The following QSOX1 variants were observed in gnomAD, a reference collection of about 807,000 sequenced individuals.
QSOX1 encodes the protein quiescin sulfhydryl oxidase 1.
QSOX1 carries 40 observed loss-of-function variants against 76.1 expected under a neutral mutation model. That is an observed-to-expected ratio of 0.53 (90% CI 0.41 to 0.68). QSOX1 has a LOEUF of 0.68. Ranked by LOEUF, QSOX1 falls within the 30% of genes least tolerant of loss-of-function variation. The pLI is 0.00. For synonymous variants in QSOX1, 392 were observed against 413.1 expected (o/e 0.95, Z 0.62); for missense variants, 931 against 974.3 (o/e 0.96, Z 0.59).
chr1:180,157,586 C>G (rs751565166), intron 1 of QSOX1, among the ~76,000 whole-genome samples: 7 of 152,180 alleles, frequency 4.6e-5, no homozygotes, highest in Admixed American at 2.0e-4. Flanking sequence ...TGGCTTCAGG[C>G]ATTTAATCTG....
At chr1:180,175,876 T>C (rs77041806) in intron 3 of QSOX1, 55 bp from the exon 4 acceptor site, 31,573 of 1,393,626 alleles carry the variant, frequency 0.023, 468 homozygotes, top group African/African-American at 0.057. Context: ...GCCAGTGTGC[T>C]GTGGAAGCAG....
chr1:180,165,263 CT>C (rs1662587535), intron 1 of QSOX1, among the ~76,000 whole-genome samples: 1 of 152,212 alleles, frequency 6.6e-6, no homozygotes, highest in Non-Finnish European at 1.5e-5. Flanking sequence ...CTCCCTGCCC[CT>C]GGGGCATGAG....
At chr1:180,156,627 C>T (rs1203226504) in intron 1 of QSOX1, among the ~76,000 whole-genome samples, 4 of 152,134 alleles carry the variant, frequency 2.6e-5, no homozygotes, top group African/African-American at 4.8e-5. Flanking sequence ...TTAAATGAAA[C>T]TTATAAGCTG....
chr1:180,161,293 C>T (rs1289140979), intron 1 of QSOX1, among the ~76,000 whole-genome samples: 3 of 152,360 alleles, frequency 2.0e-5, no homozygotes, highest in South Asian at 2.1e-4. Context: ...GTAGGCTCTT[C>T]TTAAGTTTGC....
intron 1 of QSOX1, among the ~76,000 whole-genome samples, chr1:180,164,807 GAA>G (rs1267591225): frequency 6.6e-6 from 1 of 152,196 alleles, no homozygotes; most frequent in East Asian, 1.9e-4. Context: ...AATTTATAAA[GAA>G]AAGAGGTTTA....
chr1:180,171,588 G>T (rs12075856), intron 2 of QSOX1, among the ~76,000 whole-genome samples: 1 of 152,204 alleles, frequency 6.6e-6, no homozygotes, highest in African/African-American at 2.4e-5. Context: ...GAAATGATAG[G>T]TTTGTTCATT....
chr1:180,174,313 C>T (rs1294809628), intron 2 of QSOX1, among the ~76,000 whole-genome samples: 1 of 152,238 alleles, frequency 6.6e-6, no homozygotes, highest in Non-Finnish European at 1.5e-5. Flanking sequence ...GGTCTGTCCT[C>T]TTGCCCCAAG....
rs759405690 is a variant in QSOX1 at position 180,194,339 on chromosome 1, C to T, written c.1415C>T (p.Ala472Val). ...ATGCACCGGGTGGGGAGTCCCAACG[C>T]CGCTGTCCTCTGGCTCTGGTCTAGC... is the stretch of plus-strand genomic sequence containing the variant. ...ASMHRVGSPN[A>V]AVLWLWSSHN... Residue 472 changes from alanine (A) to valine (V), a missense_variant, in exon 11 of 12, where the codon GCC (alanine) becomes GTC (valine). Physicochemically the swap from Ala to Val is moderately conservative, Grantham distance 64. Transcript: ENST00000367602. The T allele has an allele frequency of 1.2e-6, 2 of 1,603,426 alleles. No homozygotes were observed. The highest frequency in any genetic ancestry group is 1.7e-6 in the Non-Finnish European group (2 of 1,173,130).
chr1:180,191,368 C>T (rs11589208), intron 10 of QSOX1, among the ~76,000 whole-genome samples: 20,979 of 152,132 alleles, frequency 0.14, 1,612 homozygotes, highest in Middle Eastern at 0.22. Flanking sequence ...TGGGAAGGGG[C>T]CCGAGGCCTT....
chr1:180,173,078 G>A (rs551821515), intron 2 of QSOX1, among the ~76,000 whole-genome samples: 3 of 152,228 alleles, frequency 2.0e-5, no homozygotes, highest in Admixed American at 6.5e-5. Flanking sequence ...TAACTGCAGC[G>A]CAACATCACC....
intron 2 of QSOX1, among the ~76,000 whole-genome samples, chr1:180,174,690 T>G (rs1017056466): frequency 1.3e-5 from 2 of 152,164 alleles, no homozygotes; most frequent in Non-Finnish European, 2.9e-5. Context: ...TGGTTAGTAA[T>G]TACATGCTAG....
intron 1 of QSOX1, among the ~76,000 whole-genome samples, chr1:180,161,771 G>C (rs1001468317): frequency 6.6e-6 from 1 of 152,196 alleles, no homozygotes; most frequent in African/African-American, 2.4e-5. Flanking sequence ...AGTTCATTTA[G>C]TCTCATGTAA....
chr1:180,162,211 C>A (rs1662506978), intron 1 of QSOX1, among the ~76,000 whole-genome samples: 1 of 152,166 alleles, frequency 6.6e-6, no homozygotes, highest in African/African-American at 2.4e-5. Context: ...TATAAACATA[C>A]ATCAATAAAT....
In QSOX1 at chr1:180,189,680, T is replaced by C. The variant is rs755772681; in HGVS notation, c.1140+6T>C. The C allele has an allele frequency of 2.5e-6, 4 of 1,611,066 alleles. No individual in the cohort carries two copies. Among genetic ancestry groups the C allele is most frequent in the Non-Finnish European group, 3.4e-6 (4 of 1,178,238 alleles). ...CCCTGGACGACAGGAAAGAGGTGAG[T>C]CTGGGAAGCAAATAAAGATCTCTCC... On this transcript the variant is annotated splice_donor_region_variant and intron_variant, in intron 9 of 11. Coordinates refer to ENST00000367602, the MANE Select transcript of QSOX1 (RefSeq NM_002826.5).
At chr1:180,183,017 G>T (rs1299408319) in intron 6 of QSOX1, among the ~76,000 whole-genome samples, 1 of 152,198 alleles carries the variant, frequency 6.6e-6, no homozygotes, top group Non-Finnish European at 1.5e-5. Flanking sequence ...TCACCTGCTA[G>T]AGGGCCCAGG....
In QSOX1 at chr1:180,197,640, C is replaced by T. The variant is rs1409061216; in HGVS notation, c.*603C>T. On this transcript the variant is annotated 3_prime_UTR_variant, in exon 12 of 12. Transcript: ENST00000367602. ...AGCTTCTGGAAGTCGTGCTGGTCTC[C>T]CAGGTGAGGCAAGCCATGGTTGCTG... The T allele has an allele frequency of 4.3e-6, 2 of 466,860 alleles. No individual in the cohort carries two copies. The highest frequency in any genetic ancestry group is 7.8e-6 in the Non-Finnish European group (2 of 256,484). The allele number at this position is 466,860 out of a possible 1,614,324, so 28.9% of individuals were successfully genotyped here. A position where few individuals can be genotyped will look rare whatever the true frequency, so the allele number is the denominator to read the frequency against.
intron 1 of QSOX1, among the ~76,000 whole-genome samples, chr1:180,156,676 G>A (rs1206262466): frequency 2.0e-5 from 3 of 152,176 alleles, no homozygotes; most frequent in African/African-American, 4.8e-5. Context: ...ATGCCTCACT[G>A]GTCCCATTAG....
At chr1:180,171,092 C>T (rs1304054898) in intron 2 of QSOX1, among the ~76,000 whole-genome samples, 2 of 152,108 alleles carry the variant, frequency 1.3e-5, no homozygotes, top group Non-Finnish European at 2.9e-5. Context: ...AATGTTCAGA[C>T]CAGAACTGTG....
In QSOX1 at chr1:180,189,608, C is replaced by CA. The variant is rs1400630279; in HGVS notation, c.1076dup (p.Arg360GlufsTer6). On this transcript the variant is annotated frameshift_variant, in exon 9 of 12. Coordinates refer to ENST00000367602, the MANE Select transcript of QSOX1 (RefSeq NM_002826.5). LOFTEE classifies it high-confidence loss of function. The stretch of plus-strand genomic sequence containing the variant: ...TCCTGCACTCCGTGAATGAATGGCT[C>CA]AAGAGGCAGAAGAGAAATAAAATTC... 1 of 1,613,600 alleles carries CA rather than the reference C, an allele frequency of 6.2e-7. No homozygotes were observed. The highest frequency in any genetic ancestry group is 8.5e-7 in the Non-Finnish European group (1 of 1,179,666).
Sources: allele counts gnomAD v4.1 joint callset (sites outside exome capture counted in the v4.1 genomes callset), GRCh38; gene constraint gnomAD v4.1.1; transcripts MANE v1.5; gene names NCBI Gene and HGNC (gene_info 2026-07-23, HGNC 2026-07-21).